SKAP1: variants seen among roughly 807,000 people sequenced by gnomAD.
The protein encoded by SKAP1 is src kinase associated phosphoprotein 1.
In SKAP1, 44 loss-of-function variants were observed where a neutral mutation model predicts 58.5. The observed-to-expected ratio is 0.75, with a 90% CI of 0.59 to 0.97. SKAP1 has a LOEUF of 0.97. Among genes scored for constraint, SKAP1 ranks in the 50% least tolerant of loss-of-function variants. The probability of loss-of-function intolerance (pLI) is 0.00; values close to 1 mark genes in which losing one functional copy is unlikely to be tolerated. For missense variants in SKAP1, 390 were observed against 435.2 expected (o/e 0.90, Z 0.92); for synonymous variants, 127 against 149.7 (o/e 0.85, Z 1.11).
chr17:48,280,775 T>C (rs2065757303), intron 4 of SKAP1, among the ~76,000 whole-genome samples: 1 of 152,232 alleles, frequency 6.6e-6, no homozygotes. Flanking sequence ...TAGTATCTAA[T>C]ATTTTATGTC....
chr17:48,190,968 G>C (rs1362973633), intron 4 of SKAP1, among the ~76,000 whole-genome samples: 1 of 152,224 alleles, frequency 6.6e-6, no homozygotes, highest in Non-Finnish European at 1.5e-5. Flanking sequence ...ATGGGCGACA[G>C]GATGAGACTT....
intron 4 of SKAP1, among the ~76,000 whole-genome samples, chr17:48,239,189 T>C (rs998994392): frequency 2.0e-5 from 3 of 152,180 alleles, no homozygotes; most frequent in Non-Finnish European, 4.4e-5. Flanking sequence ...TAACCATCTC[T>C]GGACAGTGAA....
chr17:48,375,153 G>A (rs1251661905), intron 2 of SKAP1, among the ~76,000 whole-genome samples: 3 of 152,040 alleles, frequency 2.0e-5, no homozygotes, highest in African/African-American at 7.3e-5. Context: ...GAAGGTCCCG[G>A]GTTCTTTTGG....
At chr17:48,431,629 G>T (rs1181727429), upstream of SKAP1, among the ~76,000 whole-genome samples, 1 of 152,208 alleles carries the variant, frequency 6.6e-6, no homozygotes, top group East Asian at 1.9e-4. Flanking sequence ...GACAATTTTT[G>T]AGATTGGGAA....
chr17:48,218,340 C>T (rs549308288), intron 4 of SKAP1, among the ~76,000 whole-genome samples: 100 of 152,204 alleles, frequency 6.6e-4, no homozygotes, highest in Non-Finnish European at 1.4e-3. Flanking sequence ...TCCATAAACA[C>T]TGACATTCAC....
the SKAP1 span, among the ~76,000 whole-genome samples, chr17:48,440,402 G>A: frequency 6.6e-6 from 1 of 152,136 alleles, no homozygotes; most frequent in Non-Finnish European, 1.5e-5. Context: ...CTGAGGACTG[G>A]GACAACAGTC....
At chr17:48,211,352 T>C (rs2143675502) in intron 4 of SKAP1, among the ~76,000 whole-genome samples, 1 of 152,282 alleles carries the variant, frequency 6.6e-6, no homozygotes, top group East Asian at 1.9e-4. Flanking sequence ...GGAGAATTTC[T>C]TAATATCAAA....
Position 48,137,461 on chromosome 17 carries a change from T to C in SKAP1, c.979-124A>G, listed in dbSNP as rs1459035545. On this transcript the variant is annotated intron_variant, in intron 11 of 12. Coordinates refer to ENST00000336915, the MANE Select transcript of SKAP1 (RefSeq NM_003726.4). ...TGTTGCCATTATCACTGTGAACTGTTAACTTCCCTGATGGGATTATTAAAT... is the reference window on the plus strand; with the variant it reads ...TGTTGCCATTATCACTGTGAACTGTCAACTTCCCTGATGGGATTATTAAAT... The C allele has an allele frequency of 6.4e-6, 4 of 628,850 alleles. No homozygotes were observed. The East Asian group carries it at 1.1e-4, about 17-fold the overall frequency. 39.0% of individuals were successfully genotyped at this position (628,850 alleles called of 1,614,324 possible). A position where few individuals can be genotyped will look rare whatever the true frequency, so the allele number is the denominator to read the frequency against.
At chr17:48,409,205 T>C (rs1317509745) in intron 1 of SKAP1, among the ~76,000 whole-genome samples, 1 of 152,228 alleles carries the variant, frequency 6.6e-6, no homozygotes, top group Non-Finnish European at 1.5e-5. Context: ...TAAGTATTTA[T>C]CCAATTAAGC....
At chr17:48,248,674 A>G (rs928707510) in intron 4 of SKAP1, among the ~76,000 whole-genome samples, 27 of 152,232 alleles carry the variant, frequency 1.8e-4, no homozygotes, top group African/African-American at 6.3e-4. Flanking sequence ...TACCATAGTA[A>G]TATAAGACAG....
At chr17:48,396,533 C>T (rs925553023) in intron 2 of SKAP1, 147 bp downstream of exon 2, 1 of 482,888 alleles carries the variant, frequency 2.1e-6, no homozygotes, top group South Asian at 3.4e-5. Context: ...GCTTGCCTGC[C>T]TCCAGTTCAA....
chr17:48,233,521 T>A (rs2065146359), intron 4 of SKAP1, among the ~76,000 whole-genome samples: 1 of 148,870 alleles, frequency 6.7e-6, no homozygotes, highest in Non-Finnish European at 1.5e-5. Flanking sequence ...AATATAATAC[T>A]ATAAAATTTT....
chr17:48,361,436 C>A (rs960415103), intron 3 of SKAP1, among the ~76,000 whole-genome samples: 1 of 152,068 alleles, frequency 6.6e-6, no homozygotes, highest in African/African-American at 2.4e-5. Flanking sequence ...AACTCCTGAC[C>A]TCAGGTGATC....
chr17:48,365,905 GC>G (rs1339161780), intron 2 of SKAP1, among the ~76,000 whole-genome samples: 1 of 151,526 alleles, frequency 6.6e-6, no homozygotes, highest in African/African-American at 2.4e-5. Context: ...GGCCACTAAA[GC>G]CCCTTCCTCA....
intron 4 of SKAP1, among the ~76,000 whole-genome samples, chr17:48,341,380 T>C (rs1178354062): frequency 3.3e-5 from 5 of 152,106 alleles, no homozygotes; most frequent in African/African-American, 1.2e-4. Context: ...CCCACTATTA[T>C]AAAAATAAAA....
At chr17:48,368,248 C>T (rs2067035691) in intron 2 of SKAP1, among the ~76,000 whole-genome samples, 1 of 152,268 alleles carries the variant, frequency 6.6e-6, no homozygotes, top group South Asian at 2.1e-4. Flanking sequence ...TAAAGATATT[C>T]CCTGGGTGGC....
At chr17:48,202,290 G>T (rs140417188) in intron 4 of SKAP1, among the ~76,000 whole-genome samples, 1 of 152,266 alleles carries the variant, frequency 6.6e-6, no homozygotes, top group East Asian at 1.9e-4. Flanking sequence ...GGGTATTTCA[G>T]GGTGGGTGAT....
At chr17:48,402,652 T>C (rs2067514407) in intron 1 of SKAP1, among the ~76,000 whole-genome samples, 1 of 152,024 alleles carries the variant, frequency 6.6e-6, no homozygotes, top group African/African-American at 2.4e-5. Flanking sequence ...TCTTAATAGC[T>C]AAAAAGTGGA....
chr17:48,230,477 G>A (rs541354560), intron 4 of SKAP1, among the ~76,000 whole-genome samples: 3 of 152,242 alleles, frequency 2.0e-5, no homozygotes, highest in Admixed American at 6.5e-5. Flanking sequence ...TTTATGTGCC[G>A]GTTGCAGTGG....
Sources: gnomAD v4.1 joint callset for allele counts (sites outside exome capture counted in the v4.1 genomes callset) on GRCh38, gnomAD v4.1.1 for gene constraint, MANE v1.5 for transcripts, NCBI Gene and HGNC (gene_info 2026-07-23, HGNC 2026-07-21) for gene names.